Variants in ARRB1 observed in about 807,000 individuals in gnomAD.
ARRB1 encodes arrestin beta 1, also known as beta-arrestin-1.
Under a neutral mutation model 56.8 loss-of-function variants are expected in ARRB1, and 21 were observed. That is an observed-to-expected ratio of 0.37 (90% CI 0.26 to 0.53). The LOEUF (loss-of-function observed/expected upper bound fraction) is 0.53. Ranked by LOEUF, ARRB1 falls within the 20% of genes least tolerant of loss-of-function variation. The probability of loss-of-function intolerance (pLI) is 0.88; values close to 1 mark genes in which losing one functional copy is unlikely to be tolerated. For synonymous variants in ARRB1, 210 were observed against 218.6 expected (o/e 0.96, Z 0.35); for missense variants, 424 against 553.7 (o/e 0.77, Z 2.35).
intron 1 of ARRB1, among the ~76,000 whole-genome samples, chr11:75,296,682 T>G (rs930532722): frequency 2.0e-5 from 3 of 152,146 alleles, no homozygotes; most frequent in Non-Finnish European, 4.4e-5. Flanking sequence ...GGAATTTTTT[T>G]TCCTTTTTTT....
rs35323331 is a variant in ARRB1 at position 75,305,018 on chromosome 11, CTTT to C, written c.21-14982_21-14980del. On this transcript the variant is annotated intron_variant, in intron 1 of 15. Transcript: ENST00000420843. ...TTCTTTTCTTTTCTTTTCTTTCTTT[CTTT>C]TTTTTTTTTTTTTTTTTTTGAGACA... is the stretch of plus-strand genomic sequence containing the variant. Among the ~76,000 whole-genome samples the C allele has an allele frequency of 8.1e-5, 7 of 86,728 alleles. No individual in the cohort carries two copies. The South Asian group carries it at 1.2e-3, about 15-fold the overall frequency. 56.9% of individuals were successfully genotyped at this position (86,728 alleles called of 152,430 possible).
chr11:75,346,892 C>G (rs1042178694), intron 1 of ARRB1, among the ~76,000 whole-genome samples: 1 of 152,260 alleles, frequency 6.6e-6, no homozygotes, highest in Non-Finnish European at 1.5e-5. Flanking sequence ...AGAAGCCCCA[C>G]TACGTCCAGC....
rs35683140 is a variant in ARRB1, at chr11:75,290,535, G to A, written c.21-496C>T. 2.1e-3 allele frequency among the ~76,000 whole-genome samples: 318 copies of A among 151,376 alleles called. 1 individual carries two copies. Among genetic ancestry groups the A allele is most frequent in the African/African-American group, 7.5e-3 (309 of 41,242 alleles). On this transcript the variant is annotated intron_variant, in intron 1 of 15. Transcript: ENST00000420843. ...ATGCTCAGCCCCACTGTGCCTCCGG[G>A]GCCTGAAGTCCCTCTCTTGCTCTAC...
At chr11:75,309,860 G>A (rs1947118828) in intron 1 of ARRB1, among the ~76,000 whole-genome samples, 1 of 152,186 alleles carries the variant, frequency 6.6e-6, no homozygotes, top group South Asian at 2.1e-4. Flanking sequence ...CAGGGAGCAG[G>A]GGAGGAGCAT....
intron 13 of ARRB1, among the ~76,000 whole-genome samples, chr11:75,269,855 A>G (rs1946036043): frequency 6.6e-6 from 1 of 152,246 alleles, no homozygotes; most frequent in Non-Finnish European, 1.5e-5. Context: ...TGACAGTAGC[A>G]GAATTGAGAC....
chr11:75,345,277 G>A (rs912895697), intron 1 of ARRB1, among the ~76,000 whole-genome samples: 3 of 152,198 alleles, frequency 2.0e-5, no homozygotes, highest in African/African-American at 2.4e-5. Flanking sequence ...GAGGAGGCGC[G>A]TCTCCCGAGA....
Position 75,276,902 on chromosome 11 carries a change from T to C in ARRB1, c.713A>G (p.Tyr238Cys). Residue 238 changes from tyrosine to cysteine, a missense_variant, in exon 10 of 16, where the codon TAT (tyrosine) becomes TGT (cysteine). This residue lies in a region of ARRB1 where 301 missense variants were observed against 387.9 expected (regional missense o/e 0.78). Transcript: ENST00000420843. ...VKKIKISVRQ[Y>C]ADICLFNTAQ... ...TGTGTTGAAAAGGCAGATGTCTGCA[T>C]ACTGGCGCACTAGGGAGGGAGAGGA... 1 of 1,614,208 alleles carries C rather than the reference T, an allele frequency of 6.2e-7. No homozygotes were observed.
At chr11:75,301,458 G>A (rs1231422768) in intron 1 of ARRB1, among the ~76,000 whole-genome samples, 2 of 152,228 alleles carry the variant, frequency 1.3e-5, no homozygotes, top group Admixed American at 6.5e-5. Context: ...TAAGGAACTT[G>A]GACCTTATCC....
intron 1 of ARRB1, among the ~76,000 whole-genome samples, chr11:75,313,450 G>C (rs549363957): frequency 2.0e-5 from 3 of 152,352 alleles, no homozygotes; most frequent in Non-Finnish European, 4.4e-5. Flanking sequence ...TTCAGGCTAG[G>C]GGGAGAGTCT....
chr11:75,328,008 C>A (rs374638148), intron 1 of ARRB1, among the ~76,000 whole-genome samples: 3 of 152,210 alleles, frequency 2.0e-5, no homozygotes, highest in Non-Finnish European at 2.9e-5. Context: ...CCATTCACAA[C>A]GTTGTGCAAA....
intron 6 of ARRB1, chr11:75,281,484 C>A: frequency 2.6e-6 from 1 of 380,904 alleles, no homozygotes; most frequent in East Asian, 4.9e-5. Context: ...GTGTGCACAC[C>A]CGGCCCTGGG....
intron 1 of ARRB1, among the ~76,000 whole-genome samples, chr11:75,348,685 C>A (rs144532385): frequency 3.9e-5 from 6 of 152,064 alleles, no homozygotes; most frequent in African/African-American, 2.4e-5. Flanking sequence ...GCAGCCTTAA[C>A]CTCCAGGGCT....
Position 75,270,028 on chromosome 11 carries a change from A to G in ARRB1, c.1023-1069T>C, listed in dbSNP as rs138376249. Among the ~76,000 whole-genome samples, 20 of 152,386 alleles carry G rather than the reference A, an allele frequency of 1.3e-4. No homozygotes were observed. In the East Asian group the frequency reaches 3.9e-3, roughly 29 times the overall value. On this transcript the variant is annotated intron_variant, in intron 13 of 15. Coordinates refer to ENST00000420843, the MANE Select transcript of ARRB1 (RefSeq NM_004041.5). ...GACAGGGAATGGAGTGGTCAGAGGC[A>G]CAAGCCGTGCAATTAGAAAGGTCTG...
At chr11:75,277,577 G>C (rs748342258) in intron 8 of ARRB1, 129 bp from the exon 9 acceptor site, 1 of 775,040 alleles carries the variant, frequency 1.3e-6, no homozygotes, top group Non-Finnish European at 2.2e-6. Context: ...AGAAGGGTCT[G>C]CTGCTCCCAT....
chr11:75,345,385 C>G (rs1947749896), intron 1 of ARRB1, among the ~76,000 whole-genome samples: 1 of 152,020 alleles, frequency 6.6e-6, no homozygotes, highest in South Asian at 2.1e-4. Flanking sequence ...TCCTGCCAAC[C>G]CCCTCTGTTC....
In ARRB1 at chr11:75,266,113, C is replaced by T. The variant is rs200394230; in HGVS notation, c.*50G>A. 4.1e-4 allele frequency: 573 copies of T among 1,406,772 alleles called. No homozygotes were observed. Among genetic ancestry groups the T allele is most frequent in the Non-Finnish European group, 4.8e-4 (476 of 991,700 alleles). 87.1% of individuals were successfully genotyped at this position (1,406,772 alleles called of 1,614,324 possible). A position where few individuals can be genotyped will look rare whatever the true frequency, so the allele number is the denominator to read the frequency against. ...AACAGGAAGAAGACGAGTAAGCATC[C>T]GAGTGCACGAGAGTGGAGCCGGAGC... On this transcript the variant is annotated 3_prime_UTR_variant, in exon 16 of 16. Transcript: ENST00000420843.
rs1021506542 is a variant in ARRB1, at chr11:75,262,562, C to T, written c.*3601G>A. On this transcript the variant is annotated 3_prime_UTR_variant, in exon 16 of 16. Transcript: ENST00000420843. Reference sequence around the variant, plus strand: ...CTTTCTGTGTGACCTTGGGCCATCCCTGCAGTGGCAGGGCCACACACATCC... The same window carrying T: ...CTTTCTGTGTGACCTTGGGCCATCCTTGCAGTGGCAGGGCCACACACATCC... 7.2e-5 allele frequency: 11 copies of T among 152,276 alleles called. No individual in the cohort carries two copies. Among genetic ancestry groups the T allele is most frequent in the African/African-American group, 2.7e-4 (11 of 41,466 alleles). 9.4% of individuals were successfully genotyped at this position (152,276 alleles called of 1,614,324 possible).
intron 1 of ARRB1, among the ~76,000 whole-genome samples, chr11:75,306,922 C>G (rs1318021745): frequency 6.6e-6 from 1 of 152,182 alleles, no homozygotes; most frequent in African/African-American, 2.4e-5. Flanking sequence ...GCAGTCCAGC[C>G]TGCATGGAGA....
intron 1 of ARRB1, chr11:75,306,690 C>G (rs1268658444): frequency 7.9e-7 from 1 of 1,271,914 alleles, no homozygotes; most frequent in Non-Finnish European, 1.0e-6. Flanking sequence ...CAGGGCCAGC[C>G]CCGCAGGCTC....
Sources: gnomAD v4.1 joint callset for allele counts (sites outside exome capture counted in the v4.1 genomes callset) on GRCh38, gnomAD v4.1.1 for gene constraint, gnomAD v4.1.1 regional missense constraint, MANE v1.5 for transcripts, NCBI Gene and HGNC (gene_info 2026-07-23, HGNC 2026-07-21) for gene names.